The following ARMCX4 variants were observed in gnomAD, a reference collection of about 807,000 sequenced individuals.
The protein encoded by ARMCX4 is armadillo repeat-containing X-linked protein 4.
ARMCX4 carries 3 observed loss-of-function variants against 34.7 expected under a neutral mutation model. That is an observed-to-expected ratio of 0.09 (90% CI 0.04 to 0.22). The LOEUF (loss-of-function observed/expected upper bound fraction) is 0.22, where lower values mean the gene tolerates loss of function less well. Ranked by LOEUF, ARMCX4 falls within the 10% of genes least tolerant of loss-of-function variation. The pLI is 1.00. For synonymous variants in ARMCX4, 513 were observed against 632.8 expected (o/e 0.81, Z 2.84); for missense variants, 1,448 against 1,720.8 (o/e 0.84, Z 2.81).
At chrX:101,464,060 T>C (rs1423716143) in intron 4 of ARMCX4, among the ~76,000 whole-genome samples, 1 of 109,858 alleles carries the variant, frequency 9.1e-6, no homozygotes, top group African/African-American at 3.3e-5. Context: ...GCCCAGCCTA[T>C]TTTTTCTAAG....
At chrX:101,483,868 G>C (rs910979868), upstream of ARMCX4, among the ~76,000 whole-genome samples, 1 of 111,514 alleles carries the variant, frequency 9.0e-6, no homozygotes, top group Non-Finnish European at 1.9e-5. Context: ...CCACACAGGG[G>C]CCCCTCACAG....
intron 4 of ARMCX4, among the ~76,000 whole-genome samples, chrX:101,458,896 TA>T (rs1462058073): frequency 8.9e-6 from 1 of 112,162 alleles, no homozygotes; most frequent in Non-Finnish European, 1.9e-5. Context: ...AAATTAAAAT[TA>T]AAATGGAATG....
intron 7 of ARMCX4, among the ~76,000 whole-genome samples, chrX:101,503,818 T>C (rs1556014354): frequency 9.0e-6 from 1 of 111,235 alleles, no homozygotes. Context: ...ATTTTGGCTT[T>C]TGTTGCCATT....
At chrX:101,487,510 C>A (rs1295769479) in intron 3 of ARMCX4, 98 bp from the exon 4 acceptor site, 4 of 333,947 alleles carry the variant, frequency 1.2e-5, no homozygotes, top group African/African-American at 2.7e-5. Flanking sequence ...AGAACCTGGG[C>A]TCTGGCGAGG....
At chrX:101,482,271 A>G (rs571172259), upstream of ARMCX4, among the ~76,000 whole-genome samples, 1 of 112,143 alleles carries the variant, frequency 8.9e-6, no homozygotes, top group African/African-American at 3.2e-5. Flanking sequence ...TAAGACATGT[A>G]TGTGTATATC....
chrX:101,429,080 G>A (rs782381027), intron 2 of ARMCX4, among the ~76,000 whole-genome samples: 4 of 108,787 alleles, frequency 3.7e-5, no homozygotes, highest in Non-Finnish European at 5.7e-5. Flanking sequence ...GACTGGTCTC[G>A]AACTCCTGGG....
chrX:101,518,003 A>G (rs1569347733), intron 11 of ARMCX4, among the ~76,000 whole-genome samples: 1 of 111,873 alleles, frequency 8.9e-6, no homozygotes, highest in South Asian at 3.7e-4. Context: ...ATAAAATCCT[A>G]CATGCTTCCA....
At chrX:101,458,621 T>G (rs192096208) in intron 4 of ARMCX4, among the ~76,000 whole-genome samples, 14 of 108,166 alleles carry the variant, frequency 1.3e-4, no homozygotes, top group African/African-American at 4.7e-4. Flanking sequence ...CGAGTAGCTG[T>G]GATTACAGGT....
chrX:101,512,759 CATATATATACACACAT>C (rs1934608460), intron 11 of ARMCX4, among the ~76,000 whole-genome samples: 1 of 104,389 alleles, frequency 9.6e-6, no homozygotes, highest in Non-Finnish European at 2.0e-5. Flanking sequence ...TGTATACATA[CATATATATACACACAT>C]ATATATATAC....
intron 2 of ARMCX4, among the ~76,000 whole-genome samples, chrX:101,426,517 A>G (rs1234946527): frequency 1.8e-5 from 2 of 111,796 alleles, no homozygotes; most frequent in Non-Finnish European, 3.8e-5. Flanking sequence ...AGAAGGTTCA[A>G]TGAGTTGTAA....
intron 2 of ARMCX4, among the ~76,000 whole-genome samples, chrX:101,435,460 C>G (rs781828461): frequency 9.0e-6 from 1 of 111,371 alleles, no homozygotes; most frequent in Non-Finnish European, 1.9e-5. Flanking sequence ...CTGTTCATAT[C>G]CTTCGCCCAC....
At position 101,476,831 on chromosome X, in the gene ARMCX4, G is replaced by A. The variant is rs538318273; in HGVS notation, c.-472-9192G>A. The stretch of plus-strand genomic sequence containing the variant: ...CAGTAAATTGAATCTTAAGGAAATA[G>A]AAGGAAGGAAAAATAAAGATAAGAA... On this transcript the variant is annotated intron_variant and NMD_transcript_variant, in intron 4 of 15. Coordinates refer to the ARMCX4 transcript ENST00000433011. 1.5e-4 allele frequency among the ~76,000 whole-genome samples: 16 copies of A among 110,005 alleles called. No homozygotes were observed. The Middle Eastern group carries it at 0.033, about 229-fold the overall frequency.
intron 2 of ARMCX4, among the ~76,000 whole-genome samples, chrX:101,425,157 AG>A (rs782196000): frequency 1.8e-5 from 2 of 111,768 alleles, no homozygotes; most frequent in South Asian, 7.5e-4. Context: ...AAAGAAAGTT[AG>A]GAGGGACTTG....
At chrX:101,434,199 G>A (rs1930519060) in intron 2 of ARMCX4, among the ~76,000 whole-genome samples, 1 of 109,474 alleles carries the variant, frequency 9.1e-6, no homozygotes, top group African/African-American at 3.3e-5. Flanking sequence ...TGCCCACCTT[G>A]GCCTCTCAAA....
rs1556009695 is a variant in ARMCX4, at chrX:101,492,385, T to C, written c.3796T>C (p.Trp1266Arg). 8.7e-7 allele frequency: 1 copy of C among 1,151,839 alleles called. No individual in the cohort carries two copies. Among genetic ancestry groups the C allele is most frequent in the Non-Finnish European group, 1.1e-6 (1 of 871,836 alleles). 94.9% of individuals were successfully genotyped at this position (1,151,839 alleles called of 1,213,427 possible). The stretch of plus-strand genomic sequence containing the variant: ...TGGGGAAGAGGCCATTGGAGGGTCC[T>C]GGACTGGGGCTGAGAACCAAGCCAG... ...WVGEEAIGGS[W>R]TGAENQASEG... is the part of the protein sequence containing the mutation. Residue 1266 changes from tryptophan to arginine, a missense_variant, in exon 6 of 6, where the codon TGG becomes CGG. This residue lies in a region of ARMCX4 where 1,343 missense variants were observed against 1,540.7 expected (regional missense o/e 0.87). Coordinates refer to ENST00000423738, the MANE Select transcript of ARMCX4 (RefSeq NM_001256155.3).
At chrX:101,423,281 C>T (rs1340286489) in intron 2 of ARMCX4, among the ~76,000 whole-genome samples, 2 of 110,276 alleles carry the variant, frequency 1.8e-5, no homozygotes, top group Non-Finnish European at 3.8e-5. Context: ...TCCTCATTTT[C>T]GCGAATTACA....
In ARMCX4 at chrX:101,531,101, T is replaced by G. The variant is rs782182669; in HGVS notation, c.*1781-543T>G. 1.9e-4 allele frequency among the ~76,000 whole-genome samples: 21 copies of G among 111,873 alleles called. No homozygotes were observed. In the Admixed American group the frequency reaches 2.0e-3, roughly 11 times the overall value. Reference sequence around the variant, plus strand: ...GTGGAGAATCTATTTCCTTGCATTGTCCAGCTTCTACAGGCGGCCTGAATT... The same window carrying G: ...GTGGAGAATCTATTTCCTTGCATTGGCCAGCTTCTACAGGCGGCCTGAATT... On this transcript the variant is annotated intron_variant and NMD_transcript_variant, in intron 11 of 12. Coordinates refer to the ARMCX4 transcript ENST00000354842.
chrX:101,488,904 A>C lies in ARMCX4; in HGVS notation c.315A>C (p.Ala105=), dbSNP rs1556007683. 2 of 1,154,687 alleles carry C rather than the reference A, an allele frequency of 1.7e-6. No homozygotes were observed. Among genetic ancestry groups the C allele is most frequent in the Non-Finnish European group, 2.3e-6 (2 of 872,834 alleles). ...AIHRANSQAK[A]MVGAEPETQS... Reference sequence around the variant, plus strand: ...ACAGAGCCAACTCTCAGGCCAAGGCAATGGTTGGGGCAGAGCCAGAGACTC... The same window carrying C: ...ACAGAGCCAACTCTCAGGCCAAGGCCATGGTTGGGGCAGAGCCAGAGACTC... The change falls in exon 6 of 6, where the codon GCA becomes GCC. Residue 105 remains alanine (A), a synonymous_variant. Transcript: ENST00000423738.
At chrX:101,535,043 T>A (rs1427843210), downstream of ARMCX4, among the ~76,000 whole-genome samples, 2 of 111,387 alleles carry the variant, frequency 1.8e-5, no homozygotes, top group African/African-American at 6.5e-5. Context: ...CCCTGAATAA[T>A]GGTTAAAACC....
Sources: gnomAD v4.1 joint callset for allele counts (sites outside exome capture counted in the v4.1 genomes callset) on GRCh38, gnomAD v4.1.1 for gene constraint, gnomAD v4.1.1 regional missense constraint, MANE v1.5 for transcripts, NCBI Gene and HGNC (gene_info 2026-07-23, HGNC 2026-07-21) for gene names.